ANKFN1: variants seen among roughly 807,000 people sequenced by gnomAD.
ANKFN1 encodes the protein ankyrin repeat and fibronectin type-III domain-containing protein 1.
In ANKFN1, 74 loss-of-function variants were observed where a neutral mutation model predicts 108.7. The observed-to-expected ratio is 0.68, with a 90% CI of 0.56 to 0.83. The LOEUF is 0.83. Ranked by LOEUF, ANKFN1 falls within the 40% of genes least tolerant of loss-of-function variation. ANKFN1 has a pLI of 0.00. For missense variants in ANKFN1, 1,505 were observed against 1,382.3 expected (o/e 1.09, Z -1.41); for synonymous variants, 547 against 516.2 (o/e 1.06, Z -0.81).
At chr17:56,425,242 A>G (rs529392900) in intron 8 of ANKFN1, among the ~76,000 whole-genome samples, 17 of 152,284 alleles carry the variant, frequency 1.1e-4, no homozygotes, top group Non-Finnish European at 2.4e-4. Context: ...AGATGCCTCA[A>G]TGAATAGGAA....
chr17:56,296,447 G>A (rs1428741063), intron 3 of ANKFN1, among the ~76,000 whole-genome samples: 1 of 152,146 alleles, frequency 6.6e-6, no homozygotes, highest in Admixed American at 6.5e-5. Flanking sequence ...ACTTTGGGAG[G>A]CCGAGGCAGG....
intron 2 of ANKFN1, 99 bp from the exon 3 acceptor site, chr17:56,227,814 CTCTT>C (rs1303206284): frequency 4.4e-6 from 4 of 899,202 alleles, no homozygotes; most frequent in East Asian, 2.7e-5. Flanking sequence ...AGGCTTCTCT[CTCTT>C]TTTTTTTTCA....
At chr17:56,355,006 G>GGA (rs1369766048) in intron 6 of ANKFN1, among the ~76,000 whole-genome samples, 1 of 152,112 alleles carries the variant, frequency 6.6e-6, no homozygotes, top group Admixed American at 6.6e-5. Flanking sequence ...CAATTAGGTA[G>GGA]GAGGAATGTC....
Position 56,510,851 on chromosome 17 carries a change from A to G in ANKFN1, c.3023A>G (p.Tyr1008Cys). The change falls in exon 21 of 21, where the codon TAT (tyrosine) becomes TGT (cysteine). Residue 1008 changes from tyrosine (Y) to cysteine (C), a missense_variant. Physicochemically the swap from Tyr to Cys is radical, Grantham distance 194 (BLOSUM62 -2). Transcript: ENST00000682825. ...GKRKPGKHPH[Y>C]GGFSRHHRWL... is the part of the protein sequence containing the mutation. ...CGGAAGCCAGGCAAGCACCCCCACT[A>G]TGGCGGCTTCAGCCGCCATCATCGC... is the stretch of plus-strand genomic sequence containing the variant. 2 of 1,536,104 alleles carry G rather than the reference A, an allele frequency of 1.3e-6. No homozygotes were observed. Among genetic ancestry groups the G allele is most frequent in the East Asian group, 2.4e-5 (1 of 40,898 alleles).
At chr17:56,224,716 C>G (rs1455240163) in intron 2 of ANKFN1, 1 of 152,118 alleles carries the variant, frequency 6.6e-6, no homozygotes, top group East Asian at 1.9e-4. Flanking sequence ...TATGAAGAAT[C>G]CCCTGGTTGA....
chr17:56,124,747 G>A (rs574036020), intron 4 of ANKFN1, among the ~76,000 whole-genome samples: 85 of 152,258 alleles, frequency 5.6e-4, no homozygotes, highest in African/African-American at 1.9e-3. Context: ...AATACCACTT[G>A]GAATATTCTA....
chr17:56,239,533 TA>T (rs557470477), intron 3 of ANKFN1, among the ~76,000 whole-genome samples: 9 of 152,162 alleles, frequency 5.9e-5, no homozygotes, highest in Non-Finnish European at 1.0e-4. Context: ...ATCCACTTTT[TA>T]AAAGCTAAAA....
At chr17:56,263,282 A>G (rs538556149) in intron 3 of ANKFN1, among the ~76,000 whole-genome samples, 1 of 152,356 alleles carries the variant, frequency 6.6e-6, no homozygotes, top group African/African-American at 2.4e-5. Flanking sequence ...TATATTAGGG[A>G]GCAGGCTAAT....
At chr17:56,379,398 C>G (rs1258131352) in intron 8 of ANKFN1, among the ~76,000 whole-genome samples, 2 of 138,008 alleles carry the variant, frequency 1.4e-5, no homozygotes, top group Admixed American at 1.5e-4. Context: ...GACTCCATCT[C>G]AAGAAAAAAA....
intron 16 of ANKFN1, among the ~76,000 whole-genome samples, chr17:56,478,584 G>A (rs1427829020): frequency 6.6e-6 from 1 of 152,136 alleles, no homozygotes; most frequent in African/African-American, 2.4e-5. Flanking sequence ...CTTTGGGAAA[G>A]TTGCCCAATC....
intron 15 of ANKFN1, among the ~76,000 whole-genome samples, chr17:56,474,052 G>A (rs1291299766): frequency 6.6e-6 from 1 of 152,072 alleles, no homozygotes; most frequent in East Asian, 1.9e-4. Flanking sequence ...TCAATGCATA[G>A]GGTCATTTAG....
chr17:56,465,384 C>T (rs1012435302), intron 14 of ANKFN1, among the ~76,000 whole-genome samples: 1 of 152,132 alleles, frequency 6.6e-6, no homozygotes, highest in Non-Finnish European at 1.5e-5. Context: ...AGGGAAAATT[C>T]CGGGGTTTTC....
chr17:56,300,615 C>T lies in ANKFN1; in HGVS notation c.54-25606C>T, dbSNP rs1024633487. On this transcript the variant is annotated intron_variant, in intron 3 of 20. Transcript: ENST00000682825. ...GTTTTTTTTTTTTTTTTAAAGAAAA[C>T]GAATTGAACTGAAAGTCTCAAAGTC... 5.9e-4 allele frequency among the ~76,000 whole-genome samples: 86 copies of T among 145,320 alleles called. 2 individuals carry two copies. The highest frequency in any genetic ancestry group is 3.4e-3 in the Middle Eastern group (1 of 292).
At chr17:56,502,924 C>T (rs1290779844) in intron 20 of ANKFN1, among the ~76,000 whole-genome samples, 1 of 152,228 alleles carries the variant, frequency 6.6e-6, no homozygotes, top group African/African-American at 2.4e-5. Flanking sequence ...CTTTCGCTTA[C>T]TTCCCATTTC....
chr17:56,480,202 T>C (rs1308912419), intron 16 of ANKFN1, among the ~76,000 whole-genome samples: 2 of 152,182 alleles, frequency 1.3e-5, no homozygotes, highest in African/African-American at 4.8e-5. Flanking sequence ...AAAACCAAAA[T>C]ATCCCCCATG....
At chr17:56,435,039 A>G (rs1360269739) in intron 8 of ANKFN1, among the ~76,000 whole-genome samples, 1 of 152,178 alleles carries the variant, frequency 6.6e-6, no homozygotes, top group Non-Finnish European at 1.5e-5. Flanking sequence ...GGACAAGTGA[A>G]GAGTCCAGGA....
intron 3 of ANKFN1, among the ~76,000 whole-genome samples, chr17:56,324,098 A>G (rs1187862384): frequency 6.6e-6 from 1 of 152,214 alleles, no homozygotes; most frequent in African/African-American, 2.4e-5. Context: ...TGGTATTCAG[A>G]AAGAATATAG....
At chr17:56,111,234 C>T (rs1905942978) in intron 4 of ANKFN1, among the ~76,000 whole-genome samples, 1 of 152,226 alleles carries the variant, frequency 6.6e-6, no homozygotes, top group Admixed American at 6.5e-5. Context: ...CATTCACACC[C>T]ATGTGCTCAC....
At chr17:56,104,110 T>C (rs545442708) in intron 4 of ANKFN1, among the ~76,000 whole-genome samples, 76 of 152,312 alleles carry the variant, frequency 5.0e-4, no homozygotes, top group African/African-American at 1.8e-3. Context: ...GGCTCATTCA[T>C]GGAATAAAAA....
Sources: gnomAD v4.1 joint callset for allele counts (sites outside exome capture counted in the v4.1 genomes callset) on GRCh38, gnomAD v4.1.1 for gene constraint, MANE v1.5 for transcripts, NCBI Gene and HGNC (gene_info 2026-07-23, HGNC 2026-07-21) for gene names.